The following MIPOL1 variants were observed in gnomAD, a reference collection of about 807,000 sequenced individuals.
MIPOL1 encodes the protein mirror-image polydactyly 1, also known as mirror-image polydactyly gene 1 protein.
Under a neutral mutation model 60.9 loss-of-function variants are expected in MIPOL1, and 57 were observed. The ratio of observed to expected loss-of-function variants is 0.94; its 90% CI spans 0.76 to 1.17. MIPOL1 has a LOEUF of 1.17. Among genes scored for constraint, MIPOL1 ranks in the 50% most tolerant of loss-of-function variants. The pLI is 0.00. For missense variants in MIPOL1, 551 were observed against 511.6 expected (o/e 1.08, Z -0.74); for synonymous variants, 179 against 168.8 (o/e 1.06, Z -0.47).
At chr14:37,248,927 T>C (rs1973632059) in intron 3 of MIPOL1, among the ~76,000 whole-genome samples, 1 of 152,008 alleles carries the variant, frequency 6.6e-6, no homozygotes. Context: ...TTGGAAAGAC[T>C]GTCTGAAGAC....
intron 9 of MIPOL1, among the ~76,000 whole-genome samples, chr14:37,366,704 T>A (rs1392114875): frequency 6.6e-6 from 1 of 152,072 alleles, no homozygotes; most frequent in African/African-American, 2.4e-5. Flanking sequence ...GTTTCTTTGT[T>A]GATTTTCTTT....
chr14:37,290,221 T>TTTTG (rs535088809), intron 7 of MIPOL1, among the ~76,000 whole-genome samples: 1 of 151,930 alleles, frequency 6.6e-6, no homozygotes, highest in East Asian at 1.9e-4. Flanking sequence ...TGTGTGTGGG[T>TTTTG]TTTGTTTGTT....
At chr14:37,326,323 C>T (rs756452317) in intron 9 of MIPOL1, among the ~76,000 whole-genome samples, 15 of 152,172 alleles carry the variant, frequency 9.9e-5, no homozygotes, top group South Asian at 2.1e-4. Context: ...CTCATGTGTG[C>T]TTCCCTGTGA....
chr14:37,240,940 TACACACACACAC>T (rs10554089), intron 1 of MIPOL1, among the ~76,000 whole-genome samples: 12 of 145,990 alleles, frequency 8.2e-5, no homozygotes, highest in Non-Finnish European at 1.5e-4. Context: ...CACACACACA[TACACACACACAC>T]ACACACACAC....
chr14:37,278,952 G>A (rs1364736134), intron 6 of MIPOL1: 1 of 151,536 alleles, frequency 6.6e-6, no homozygotes, highest in Admixed American at 6.6e-5. Context: ...TTTGGTTGAG[G>A]GGGGTACGGG....
chr14:37,455,847 T>C (rs887246209), intron 11 of MIPOL1, among the ~76,000 whole-genome samples: 2 of 152,058 alleles, frequency 1.3e-5, no homozygotes, highest in Admixed American at 6.6e-5. Context: ...TCTGTGAAAA[T>C]TACGTGATTT....
At chr14:37,481,600 CA>C (rs1566683925) in intron 11 of MIPOL1, among the ~76,000 whole-genome samples, 3 of 150,060 alleles carry the variant, frequency 2.0e-5, no homozygotes, top group African/African-American at 5.0e-5. Context: ...CACACACACA[CA>C]CACACACACA....
chr14:37,319,749 T>C (rs1546974), intron 9 of MIPOL1, among the ~76,000 whole-genome samples: 151,201 of 152,244 alleles, frequency 0.99, 75,091 homozygotes, highest in Middle Eastern at 1. Flanking sequence ...AGCAGCATCC[T>C]GATCAAGATA....
chr14:37,207,757 G>A (rs577852248), intron 1 of MIPOL1, among the ~76,000 whole-genome samples: 1 of 148,218 alleles, frequency 6.7e-6, no homozygotes, highest in South Asian at 2.1e-4. Flanking sequence ...CATTGGCCAG[G>A]CTGGTCTTGA....
chr14:37,221,347 GATAATGTTA>G (rs1567040494), intron 1 of MIPOL1, among the ~76,000 whole-genome samples: 1 of 152,158 alleles, frequency 6.6e-6, no homozygotes, highest in Non-Finnish European at 1.5e-5. Context: ...CTACTCTTGT[GATAATGTTA>G]TTAATCCATT....
At chr14:37,222,403 T>A (rs1968960683) in intron 1 of MIPOL1, among the ~76,000 whole-genome samples, 1 of 150,264 alleles carries the variant, frequency 6.7e-6, no homozygotes. Context: ...TTTTTTTTTT[T>A]AACTTATTAT....
At chr14:37,314,835 T>G (rs1026132221) in intron 9 of MIPOL1, among the ~76,000 whole-genome samples, 1 of 152,156 alleles carries the variant, frequency 6.6e-6, no homozygotes, top group Admixed American at 6.6e-5. Context: ...TTATTGAACT[T>G]GGCTATTTTA....
At chr14:37,517,058 G>T (rs896932009) in intron 12 of MIPOL1, among the ~76,000 whole-genome samples, 7 of 152,018 alleles carry the variant, frequency 4.6e-5, no homozygotes, top group African/African-American at 7.2e-5. Context: ...ACTTAGTATC[G>T]AGTAAAAATA....
chr14:37,270,541 A>G lies in MIPOL1; in HGVS notation c.493+16A>G, dbSNP rs775458411. On this transcript the variant is annotated intron_variant, in intron 6 of 12. Coordinates refer to ENST00000684589, the MANE Select transcript of MIPOL1 (RefSeq NM_001388067.1). ...AAGACAGCAGGTATAGTAGAGGAGT[A>G]TTAACACATGGCTTGAAGAATCACA... 85 of 1,371,164 alleles carry G rather than the reference A, an allele frequency of 6.2e-5. No homozygotes were observed. In the South Asian group the frequency reaches 1.0e-3, roughly 16 times the overall value. The allele number at this position is 1,371,164 out of a possible 1,614,324, so 84.9% of individuals were successfully genotyped here. A position where few individuals can be genotyped will look rare whatever the true frequency, so the allele number is the denominator to read the frequency against.
chr14:37,218,448 A>G (rs1036551669), intron 1 of MIPOL1, among the ~76,000 whole-genome samples: 2 of 151,996 alleles, frequency 1.3e-5, no homozygotes, highest in African/African-American at 4.8e-5. Context: ...TTGGCCTCCC[A>G]AAGTGCTGGG....
intron 11 of MIPOL1, among the ~76,000 whole-genome samples, chr14:37,436,941 CTGAA>C (rs1322036474): frequency 6.6e-6 from 1 of 152,146 alleles, no homozygotes; most frequent in Non-Finnish European, 1.5e-5. Context: ...ATTGACTTGA[CTGAA>C]TGTTTTCCCC....
intron 7 of MIPOL1, among the ~76,000 whole-genome samples, chr14:37,303,737 G>A (rs200037693): frequency 6.6e-6 from 1 of 151,764 alleles, no homozygotes; most frequent in Admixed American, 6.6e-5. Context: ...TACTGTGTCA[G>A]GTACAGTGCT....
intron 9 of MIPOL1, among the ~76,000 whole-genome samples, chr14:37,318,611 A>T (rs1006281576): frequency 6.7e-6 from 1 of 149,138 alleles, no homozygotes; most frequent in East Asian, 2.0e-4. Context: ...GAAAGTATAT[A>T]TAACTTTAGA....
rs190985668 is a variant in MIPOL1, at chr14:37,364,914, A to G, written c.829-4603A>G. ...TTAATTTCTGTCATCAGTGTTTTAT[A>G]GTTTTCTTTGGTTAAATTAATCTCT... On this transcript the variant is annotated intron_variant, in intron 9 of 12. Transcript: ENST00000684589. Among the ~76,000 whole-genome samples the G allele has an allele frequency of 3.5e-4, 53 of 152,070 alleles. 1 individual carries two copies. The highest frequency in any genetic ancestry group is 1.9e-4 in the Non-Finnish European group (13 of 67,934).
Sources: gnomAD v4.1 joint callset for allele counts (sites outside exome capture counted in the v4.1 genomes callset) on GRCh38, gnomAD v4.1.1 for gene constraint, MANE v1.5 for transcripts, NCBI Gene and HGNC (gene_info 2026-07-23, HGNC 2026-07-21) for gene names.